LRP1B: variants seen among roughly 807,000 people sequenced by gnomAD.
The protein encoded by LRP1B is low-density lipoprotein receptor-related protein 1B.
LRP1B carries 217 observed loss-of-function variants against 556.6 expected under a neutral mutation model. That is an observed-to-expected ratio of 0.39 (90% confidence interval 0.35 to 0.44). LRP1B has a LOEUF of 0.44. Ranked by LOEUF, LRP1B falls within the 20% of genes least tolerant of loss-of-function variation. LRP1B has a pLI of 1.00. For synonymous variants in LRP1B, 2,047 were observed against 1,865.8 expected, an observed-to-expected ratio of 1.10 and a Z score of -2.50; for missense variants, 5,053 against 5,620.8, an observed-to-expected ratio of 0.90 and a Z score of 3.23.
intron 5 of LRP1B, among the ~76,000 whole-genome samples, chr2:141,244,028 C>T (rs1183807245): frequency 6.6e-6 from 1 of 152,082 alleles, no homozygotes. Flanking sequence ...TATCTATTGT[C>T]TTGAAAATAA....
intron 55 of LRP1B, among the ~76,000 whole-genome samples, chr2:140,500,414 A>C (rs1689132529): frequency 6.6e-6 from 1 of 151,978 alleles, no homozygotes; most frequent in African/African-American, 2.4e-5. Flanking sequence ...TAGCATGCTA[A>C]GGCTGGCAGG....
intron 3 of LRP1B, among the ~76,000 whole-genome samples, chr2:141,424,600 T>C (rs1680279377): frequency 6.6e-6 from 1 of 152,222 alleles, no homozygotes; most frequent in Non-Finnish European, 1.5e-5. Context: ...GCTTTATGTA[T>C]TAATTACTTT....
intron 2 of LRP1B, among the ~76,000 whole-genome samples, chr2:141,587,757 G>A (rs1268969559): frequency 2.0e-5 from 3 of 152,006 alleles, no homozygotes; most frequent in Non-Finnish European, 4.4e-5. Flanking sequence ...CAAAACACAC[G>A]TGAAATACTT....
chr2:141,639,387 T>C (rs1689240004), intron 2 of LRP1B, among the ~76,000 whole-genome samples: 6 of 88,104 alleles, frequency 6.8e-5, no homozygotes, highest in African/African-American at 2.1e-4. Context: ...CACATATATA[T>C]ATACACATAT....
intron 1 of LRP1B, among the ~76,000 whole-genome samples, chr2:142,109,781 A>C (rs933417616): frequency 6.6e-6 from 1 of 152,154 alleles, no homozygotes; most frequent in Non-Finnish European, 1.5e-5. Context: ...TGGTTTTCAA[A>C]AGACAAAAGT....
intron 3 of LRP1B, among the ~76,000 whole-genome samples, chr2:141,332,158 T>C (rs1189359921): frequency 1.3e-5 from 2 of 152,038 alleles, no homozygotes; most frequent in African/African-American, 4.8e-5. Context: ...TAAGGACAAA[T>C]ATAACTTCAC....
At chr2:140,416,733 T>C (rs1431783587) in intron 66 of LRP1B, among the ~76,000 whole-genome samples, 1 of 152,118 alleles carries the variant, frequency 6.6e-6, no homozygotes. Flanking sequence ...TGAATCCATG[T>C]ACTTCAATTG....
In LRP1B at chr2:140,476,024, A is replaced by G. The variant is rs369999638; in HGVS notation, c.9426-687T>C. 5.3e-5 allele frequency among the ~76,000 whole-genome samples: 8 copies of G among 152,076 alleles called. No individual in the cohort carries two copies. In the East Asian group the frequency reaches 1.2e-3, roughly 22 times the overall value. ...AGAAGTTCTAGATAGGACAGTTCCA[A>G]AAGTGGGGAAAAAACAGGAAGTGAA... On this transcript the variant is annotated intron_variant, in intron 59 of 90. Coordinates refer to ENST00000389484, the MANE Select transcript of LRP1B (RefSeq NM_018557.3).
rs191340202 is a variant in LRP1B at position 141,875,892 on chromosome 2, A to G, written c.83-65491T>C. 3.3e-5 allele frequency among the ~76,000 whole-genome samples: 5 copies of G among 152,130 alleles called. No homozygotes were observed. The East Asian group carries it at 9.7e-4, about 29-fold the overall frequency. On this transcript the variant is annotated intron_variant, in intron 1 of 90. Coordinates refer to ENST00000389484, the MANE Select transcript of LRP1B (RefSeq NM_018557.3). The stretch of plus-strand genomic sequence containing the variant: ...ATGTTTTTTCCAATATGAAGAGTCA[A>G]ATGCATTTTTTACCTGTGAGAATTC...
intron 47 of LRP1B, among the ~76,000 whole-genome samples, chr2:140,532,686 C>T (rs1259964246): frequency 6.6e-6 from 1 of 151,950 alleles, no homozygotes; most frequent in African/African-American, 2.4e-5. Flanking sequence ...TGAGCCACCA[C>T]GCCTGGCCCT....
chr2:142,016,857 TAC>T (rs1050671486), intron 1 of LRP1B, among the ~76,000 whole-genome samples: 8 of 149,462 alleles, frequency 5.4e-5, no homozygotes, highest in East Asian at 2.0e-4. Flanking sequence ...TGTATATATA[TAC>T]ACACACATAT....
chr2:141,214,034 GTT>G (rs1396327173), intron 6 of LRP1B, among the ~76,000 whole-genome samples: 1 of 151,964 alleles, frequency 6.6e-6, no homozygotes, highest in Non-Finnish European at 1.5e-5. Flanking sequence ...ATTTTTTACT[GTT>G]TTGTTTTTTT....
At chr2:142,100,120 A>AT (rs1706518503) in intron 1 of LRP1B, among the ~76,000 whole-genome samples, 1 of 151,856 alleles carries the variant, frequency 6.6e-6, no homozygotes, top group Non-Finnish European at 1.5e-5. Context: ...AGAGCATTGT[A>AT]TTTTTTACAC....
At chr2:141,741,966 G>GTA (rs1281194479) in intron 2 of LRP1B, among the ~76,000 whole-genome samples, 2 of 152,124 alleles carry the variant, frequency 1.3e-5, no homozygotes, top group African/African-American at 4.8e-5. Context: ...ATTTGATTTT[G>GTA]TATATGGCAA....
intron 86 of LRP1B, chr2:140,269,229 T>C: frequency 2.1e-6 from 1 of 468,960 alleles, no homozygotes; most frequent in Non-Finnish European, 4.4e-6. Context: ...TGAAATGATG[T>C]CACACGAAGC....
At chr2:140,733,751 A>T (rs10199928) in intron 35 of LRP1B, among the ~76,000 whole-genome samples, 21,459 of 152,254 alleles carry the variant, frequency 0.14, 1,642 homozygotes, top group South Asian at 0.19. Flanking sequence ...AGTGATAGAA[A>T]TAGTCCATTT....
At chr2:140,955,850 A>T (rs1209837880) in intron 18 of LRP1B, among the ~76,000 whole-genome samples, 1 of 151,646 alleles carries the variant, frequency 6.6e-6, no homozygotes, top group Non-Finnish European at 1.5e-5. Flanking sequence ...CCTGTCTCTG[A>T]CCTAGGAATT....
At chr2:141,440,702 A>T (rs2105002755) in intron 3 of LRP1B, among the ~76,000 whole-genome samples, 1 of 152,360 alleles carries the variant, frequency 6.6e-6, no homozygotes, top group African/African-American at 2.4e-5. Flanking sequence ...TAACTGGAGC[A>T]TTGTGCTTTC....
intron 83 of LRP1B, among the ~76,000 whole-genome samples, chr2:140,310,361 C>T (rs2105026674): frequency 6.8e-6 from 1 of 146,532 alleles, no homozygotes; most frequent in Admixed American, 6.9e-5. Context: ...ATCAAAATAC[C>T]AATGCCATTT....
Sources: allele counts gnomAD v4.1 joint callset (sites outside exome capture counted in the v4.1 genomes callset), GRCh38; gene constraint gnomAD v4.1.1; transcripts MANE v1.5; gene names NCBI Gene and HGNC (gene_info 2026-07-23, HGNC 2026-07-21).